SLC6A6: variants seen among roughly 807,000 people sequenced by gnomAD.
The protein encoded by SLC6A6 is sodium- and chloride-dependent taurine transporter.
SLC6A6 carries 16 observed loss-of-function variants against 68.8 expected under a neutral mutation model. That is an observed-to-expected ratio of 0.23 (90% CI 0.16 to 0.35). The LOEUF (loss-of-function observed/expected upper bound fraction) is 0.35, where lower values mean the gene tolerates loss of function less well. Among genes scored for constraint, SLC6A6 ranks in the 10% least tolerant of loss-of-function variants. The probability of loss-of-function intolerance (pLI) is 1.00; values close to 1 mark genes in which losing one functional copy is unlikely to be tolerated. For synonymous variants in SLC6A6, 312 were observed against 315.4 expected (o/e 0.99, Z 0.12); for missense variants, 474 against 802.8 (o/e 0.59, Z 4.95).
intron 2 of SLC6A6, among the ~76,000 whole-genome samples, chr3:14,427,962 T>C (rs1045954279): frequency 6.6e-6 from 1 of 152,184 alleles, no homozygotes; most frequent in African/African-American, 2.4e-5. Flanking sequence ...GGCCCTGATC[T>C]GGCCCTCGGC....
rs1462379120 is a variant in SLC6A6 at position 14,488,953 on chromosome 3, T to A, written c.*3946T>A. 1 of 152,596 alleles carries A rather than the reference T, an allele frequency of 6.6e-6. No homozygotes were observed. The highest frequency in any genetic ancestry group is 1.5e-5 in the Non-Finnish European group (1 of 68,034). The allele number at this position is 152,596 out of a possible 1,614,324, so 9.5% of individuals were successfully genotyped here. ...AATTAATCTCCCAATCCCTAGCAACTGTGACTCTGTATTTAGCACAAGAGA... is the reference window on the plus strand; with the variant it reads ...AATTAATCTCCCAATCCCTAGCAACAGTGACTCTGTATTTAGCACAAGAGA... On this transcript the variant is annotated 3_prime_UTR_variant, in exon 15 of 15. Transcript: ENST00000622186.
intron 5 of SLC6A6, among the ~76,000 whole-genome samples, chr3:14,452,262 G>C (rs948105436): frequency 3.9e-5 from 6 of 152,202 alleles, no homozygotes; most frequent in African/African-American, 7.2e-5. Context: ...TTGAGGCAGT[G>C]ACCTCACCTC....
At chr3:14,453,143 C>A (rs1279546050) in intron 5 of SLC6A6, among the ~76,000 whole-genome samples, 1 of 152,188 alleles carries the variant, frequency 6.6e-6, no homozygotes. Context: ...AGAGCCATGG[C>A]CAATAAATGG....
At chr3:14,449,151 G>C (rs771394439) in intron 5 of SLC6A6, among the ~76,000 whole-genome samples, 6 of 152,230 alleles carry the variant, frequency 3.9e-5, no homozygotes, top group Non-Finnish European at 7.3e-5. Flanking sequence ...GTCAGGGCTG[G>C]GACATCGTTG....
chr3:14,468,310 G>A lies in SLC6A6; in HGVS notation c.1096+98G>A, dbSNP rs1574958537. The A allele has an allele frequency of 4.5e-6, 5 of 1,099,730 alleles. No homozygotes were observed. Among genetic ancestry groups the A allele is most frequent in the Non-Finnish European group, 6.3e-6 (5 of 798,310 alleles). 68.1% of individuals were successfully genotyped at this position (1,099,730 alleles called of 1,614,324 possible). ...GCCAGACCCCAGGGGGCTTTGAGGG[G>A]GGACGAGCCTGGTTTCTAAAATGGA... On this transcript the variant is annotated intron_variant, in intron 9 of 14. Transcript: ENST00000622186. This position sits in a 1 kb window ranked among gnomAD's most constrained non-coding sequence, Gnocchi z 4.5.
intron 2 of SLC6A6, 89 bp from the exon 3 acceptor site, chr3:14,443,535 G>A (rs564018469): frequency 2.4e-5 from 23 of 947,180 alleles, no homozygotes; most frequent in Non-Finnish European, 3.1e-5. Context: ...GGTGGGAGCC[G>A]GCTCGTGGAT....
At position 14,460,152 on chromosome 3, in the gene SLC6A6, C is replaced by T. The variant is rs112249411; in HGVS notation, c.732+2070C>T. Among the ~76,000 whole-genome samples, 1,483 of 152,198 alleles carry T rather than the reference C, an allele frequency of 9.7e-3. 14 individuals are homozygous for T. Among genetic ancestry groups the T allele is most frequent in the Admixed American group, 0.017 (258 of 15,288 alleles). On this transcript the variant is annotated intron_variant, in intron 6 of 14. Transcript: ENST00000622186. The stretch of plus-strand genomic sequence containing the variant: ...TGCTAGAGACATCATCACTTACTTA[C>T]GCACTAGTATTTTTTGAGCCTCTAC...
At chr3:14,425,949 T>C (rs948269843) in intron 2 of SLC6A6, among the ~76,000 whole-genome samples, 1 of 11,640 alleles carries the variant, frequency 8.6e-5, no homozygotes, top group African/African-American at 4.3e-4. Flanking sequence ...ATGAGTATAA[T>C]TAAATGGGAA....
intron 2 of SLC6A6, among the ~76,000 whole-genome samples, chr3:14,434,643 C>T (rs1029743405): frequency 1.3e-5 from 2 of 152,248 alleles, no homozygotes; most frequent in Non-Finnish European, 2.9e-5. Context: ...GCCCTTTCCC[C>T]GACTTAGCTG....
In SLC6A6 at chr3:14,472,548, C is replaced by T. The variant is rs907397365; in HGVS notation, c.1209+231C>T. Among the ~76,000 whole-genome samples, 7 of 152,168 alleles carry T rather than the reference C, an allele frequency of 4.6e-5. No individual in the cohort carries two copies. The highest frequency in any genetic ancestry group is 1.4e-4 in the African/African-American group (6 of 41,438). ...TTAGCCTAATGGAGTGCAAACAAGA[C>T]GTGGCATGGCACATTATCTGCTAGC... On this transcript the variant is annotated intron_variant, in intron 10 of 14. Transcript: ENST00000622186. The surrounding 1 kb of genome is among the most constrained non-coding windows in gnomAD (Gnocchi z 4.5).
chr3:14,448,041 G>A, intron 5 of SLC6A6: 3 of 1,274,616 alleles, frequency 2.4e-6, no homozygotes, highest in Non-Finnish European at 3.1e-6. Context: ...CCTCCTTTCT[G>A]AGCCTCAGTT....
At position 14,463,012 on chromosome 3, in the gene SLC6A6, C is replaced by A. The variant is rs12330580; in HGVS notation, c.733-3504C>A. On this transcript the variant is annotated intron_variant, in intron 6 of 14. Transcript: ENST00000622186. ...TCTCTGCTGAAGAACAGAAAGCAGGCCGGTTTTGTGCGTGTGTGTGACTCA... is the reference window on the plus strand; with the variant it reads ...TCTCTGCTGAAGAACAGAAAGCAGGACGGTTTTGTGCGTGTGTGTGACTCA... 9.2e-3 allele frequency among the ~76,000 whole-genome samples: 1,404 copies of A among 152,290 alleles called. 24 individuals are homozygous for A. The highest frequency in any genetic ancestry group is 0.032 in the African/African-American group (1,344 of 41,550).
At chr3:14,426,144 G>T (rs952170745) in intron 2 of SLC6A6, among the ~76,000 whole-genome samples, 2 of 152,296 alleles carry the variant, frequency 1.3e-5, no homozygotes, top group African/African-American at 4.8e-5. Context: ...GCTGGTTTCA[G>T]TTTCCCCCTG....
intron 9 of SLC6A6, among the ~76,000 whole-genome samples, chr3:14,469,434 G>A (rs1700702208): frequency 6.6e-6 from 1 of 152,184 alleles, no homozygotes; most frequent in South Asian, 2.1e-4. Flanking sequence ...ATGAGGCGAT[G>A]TCCCAGTCCC....
chr3:14,435,458 C>T (rs1699830870), intron 2 of SLC6A6, among the ~76,000 whole-genome samples: 2 of 152,206 alleles, frequency 1.3e-5, no homozygotes, highest in Non-Finnish European at 2.9e-5. Context: ...TAACAAGCCC[C>T]TGTCCCAGAG....
chr3:14,439,293 G>T (rs1333474780), intron 2 of SLC6A6, among the ~76,000 whole-genome samples: 5 of 152,246 alleles, frequency 3.3e-5, no homozygotes, highest in African/African-American at 1.2e-4. Context: ...GAGTGTTGGA[G>T]AATAGGAAAC....
chr3:14,423,171 A>T (rs2124913813), intron 2 of SLC6A6, among the ~76,000 whole-genome samples: 1 of 152,246 alleles, frequency 6.6e-6, no homozygotes, highest in East Asian at 1.9e-4. Flanking sequence ...AGAGGACTTC[A>T]AAAGGACTCT....
At chr3:14,478,165 C>G (rs1356763265) in intron 11 of SLC6A6, among the ~76,000 whole-genome samples, 1 of 152,202 alleles carries the variant, frequency 6.6e-6, no homozygotes. Context: ...GGGCCACTCA[C>G]TGAGCAGCTG....
Position 14,443,771 on chromosome 3 carries a change from G to A in SLC6A6, c.137G>A (p.Ser46Asn), listed in dbSNP as rs1700046645. ...CCTCCGCAGAGGGAGAAGTGGTCTA[G>A]CAAGATCGACTTTGTGCTCTCTGTG... is the stretch of plus-strand genomic sequence containing the variant. Reference protein sequence around the residue: ...GKPPQREKWSSKIDFVLSVAG... With the variant: ...GKPPQREKWSNKIDFVLSVAG... Residue 46 changes from serine to asparagine, a missense_variant, in exon 3 of 15, where the codon AGC (serine) becomes AAC (asparagine). By Grantham distance (46) the Ser-to-Asn change is conservative (BLOSUM62 1). Transcript: ENST00000622186. The A allele has an allele frequency of 1.9e-6, 3 of 1,614,184 alleles. No individual in the cohort carries two copies. The highest frequency in any genetic ancestry group is 2.5e-6 in the Non-Finnish European group (3 of 1,180,010).
Sources: gnomAD v4.1 joint callset for allele counts (sites outside exome capture counted in the v4.1 genomes callset) on GRCh38, gnomAD v4.1.1 for gene constraint, Gnocchi (gnomAD v3.1) non-coding constraint, MANE v1.5 for transcripts, NCBI Gene and HGNC (gene_info 2026-07-23, HGNC 2026-07-21) for gene names.